ACACA: variants seen among roughly 807,000 people sequenced by gnomAD.
ACACA encodes acetyl-CoA carboxylase alpha, also known as acetyl-CoA carboxylase 1.
In ACACA, 103 loss-of-function variants were observed where a neutral mutation model predicts 296.1. The ratio of observed to expected loss-of-function variants is 0.35; its 90% CI spans 0.30 to 0.41. The LOEUF (loss-of-function observed/expected upper bound fraction) is 0.41, where lower values mean the gene tolerates loss of function less well. Ranked by LOEUF, ACACA falls within the 10% of genes least tolerant of loss-of-function variation. The pLI, the probability that ACACA is intolerant of heterozygous loss-of-function variation, is 1.00. For missense variants in ACACA, 1,554 were observed against 2,989.7 expected (o/e 0.52, Z 11.20); for synonymous variants, 953 against 1,038.6 (o/e 0.92, Z 1.58).
At chr17:37,259,792 A>AT (rs1424348426) in intron 11 of ACACA, among the ~76,000 whole-genome samples, 1 of 152,160 alleles carries the variant, frequency 6.6e-6, no homozygotes, top group African/African-American at 2.4e-5. Context: ...CAGACAAAAA[A>AT]ACATGGGGAC....
intron 36 of ACACA, 95 bp from the exon 37 acceptor site, chr17:37,192,400 A>AT: frequency 8.4e-7 from 1 of 1,189,170 alleles, no homozygotes; most frequent in Non-Finnish European, 1.2e-6. Flanking sequence ...GAAAATAGAA[A>AT]CATAAGCTAT....
At chr17:37,091,819 C>T (rs1254137368) in intron 54 of ACACA, among the ~76,000 whole-genome samples, 3 of 152,048 alleles carry the variant, frequency 2.0e-5, no homozygotes, top group African/African-American at 7.2e-5. Flanking sequence ...CAAGCAGTTC[C>T]CCTGCCTTGG....
chr17:37,121,807 G>T (rs927392620), intron 49 of ACACA, among the ~76,000 whole-genome samples: 3 of 152,122 alleles, frequency 2.0e-5, no homozygotes, highest in Non-Finnish European at 2.9e-5. Context: ...ACTCTTTAAA[G>T]CAAGTCAATT....
chr17:37,370,259 G>A (rs141193120), intron 1 of ACACA, among the ~76,000 whole-genome samples: 1 of 152,002 alleles, frequency 6.6e-6, no homozygotes, highest in Non-Finnish European at 1.5e-5. Context: ...ACCTGCCTCA[G>A]CTTCCCAAAG....
chr17:37,384,569 A>G (rs952789332), intron 1 of ACACA, among the ~76,000 whole-genome samples: 4 of 152,228 alleles, frequency 2.6e-5, no homozygotes, highest in African/African-American at 9.6e-5. Context: ...GATTAAAAAA[A>G]AAAACACAGA....
At chr17:37,373,951 G>C (rs973758839) in intron 1 of ACACA, among the ~76,000 whole-genome samples, 1 of 152,182 alleles carries the variant, frequency 6.6e-6, no homozygotes. Context: ...GAGGCAAGAG[G>C]GTGGGGAGGA....
intron 22 of ACACA, among the ~76,000 whole-genome samples, chr17:37,242,959 C>T (rs549983592): frequency 2.8e-4 from 42 of 151,772 alleles, no homozygotes; most frequent in African/African-American, 1.0e-3. Flanking sequence ...TGCTTGAACT[C>T]GGGAGGCAGG....
At chr17:37,092,781 A>G (rs1174383630) in intron 54 of ACACA, among the ~76,000 whole-genome samples, 1 of 152,196 alleles carries the variant, frequency 6.6e-6, no homozygotes, top group Non-Finnish European at 1.5e-5. Context: ...CTGACCTTCT[A>G]GACTTCTGGG....
Position 37,274,266 on chromosome 17 carries a change from GA to G in ACACA, c.934del (p.Ser312GlnfsTer5). 6.2e-7 allele frequency: 1 copy of G among 1,614,020 alleles called. No homozygotes were observed. Among genetic ancestry groups the G allele is most frequent in the Non-Finnish European group, 8.5e-7 (1 of 1,180,014 alleles). The part of the protein sequence containing the change: ...LRVDWQENDF[S>X]KRILNVPQEL... Reference sequence around the variant, plus strand: ...CTGGGGAACATTTAAGATACGTTTTGAAAAATCATTTTCCTGCCAGTCCACA... The same window carrying G: ...CTGGGGAACATTTAAGATACGTTTTGAAAATCATTTTCCTGCCAGTCCACA... On this transcript the variant is annotated frameshift_variant, in exon 9 of 56. Coordinates refer to ENST00000616317, the MANE Select transcript of ACACA (RefSeq NM_198834.3). LOFTEE classifies it high-confidence loss of function.
intron 9 of ACACA, among the ~76,000 whole-genome samples, chr17:37,273,567 A>C (rs2082154675): frequency 1.3e-5 from 2 of 152,236 alleles, no homozygotes; most frequent in Admixed American, 6.5e-5. Flanking sequence ...AGCCCACTGC[A>C]CAGGACATAT....
chr17:37,093,291 A>G (rs921841196), intron 54 of ACACA, among the ~76,000 whole-genome samples: 11 of 152,180 alleles, frequency 7.2e-5, no homozygotes, highest in African/African-American at 2.7e-4. Context: ...AGAATGCACC[A>G]TGGCATCGGG....
intron 1 of ACACA, among the ~76,000 whole-genome samples, chr17:37,350,264 G>A (rs531473561): frequency 6.6e-6 from 1 of 151,752 alleles, no homozygotes; most frequent in East Asian, 1.9e-4. Context: ...CCAGGAGGTC[G>A]AGGCTGCAGT....
chr17:37,089,272 G>T (rs147141548), intron 54 of ACACA, among the ~76,000 whole-genome samples, 198 bp from the exon 55 acceptor site: 26 of 152,270 alleles, frequency 1.7e-4, no homozygotes, highest in Middle Eastern at 3.4e-3. Context: ...CTTCCTTTAT[G>T]GACACAGGTG....
Position 37,287,406 on chromosome 17 carries a change from A to T in ACACA, c.339-2436T>A, listed in dbSNP as rs371127221. The stretch of plus-strand genomic sequence containing the variant: ...TTCACATGACTTAGTGTGGCTCTTA[A>T]CTTGCAAAACCACCACCTACGGGAG... On this transcript the variant is annotated intron_variant, in intron 3 of 55. Coordinates refer to ENST00000616317, the MANE Select transcript of ACACA (RefSeq NM_198834.3). 2.6e-5 allele frequency among the ~76,000 whole-genome samples: 4 copies of T among 152,114 alleles called. No homozygotes were observed. The East Asian group carries it at 7.8e-4, about 29-fold the overall frequency.
intron 3 of ACACA, among the ~76,000 whole-genome samples, chr17:37,305,740 A>C (rs755860049): frequency 6.6e-5 from 10 of 152,164 alleles, no homozygotes; most frequent in Non-Finnish European, 1.0e-4. Flanking sequence ...CAAACTGAGT[A>C]AACTCCCTTG....
intron 1 of ACACA, among the ~76,000 whole-genome samples, chr17:37,362,916 A>G (rs1264329850): frequency 1.4e-5 from 2 of 146,778 alleles, no homozygotes; most frequent in Non-Finnish European, 3.0e-5. Context: ...CGGAGCTTGC[A>G]GTAAGCTGAG....
intron 45 of ACACA, among the ~76,000 whole-genome samples, chr17:37,146,669 A>AG (rs146105360): frequency 9.8e-4 from 18 of 18,298 alleles, no homozygotes; most frequent in East Asian, 5.3e-3. Context: ...GTGGGGGGGA[A>AG]GGGGGGGGCA....
At chr17:37,207,233 T>C (rs977311282) in intron 31 of ACACA, among the ~76,000 whole-genome samples, 2 of 152,190 alleles carry the variant, frequency 1.3e-5, no homozygotes, top group Non-Finnish European at 2.9e-5. Context: ...CAGACCAATG[T>C]AATTACCCCT....
chr17:37,215,134 T>G (rs1401260144), intron 29 of ACACA, among the ~76,000 whole-genome samples: 4 of 152,184 alleles, frequency 2.6e-5, no homozygotes, highest in African/African-American at 9.7e-5. Flanking sequence ...CGACCTCTTC[T>G]GGAGGTAAGA....
Sources: gnomAD v4.1 joint callset for allele counts (sites outside exome capture counted in the v4.1 genomes callset) on GRCh38, gnomAD v4.1.1 for gene constraint, MANE v1.5 for transcripts, NCBI Gene and HGNC (gene_info 2026-07-23, HGNC 2026-07-21) for gene names.